MAPK8: variants seen among roughly 807,000 people sequenced by gnomAD.
MAPK8 encodes the protein mitogen-activated protein kinase 8, also known as JUN N-terminal kinase.
In MAPK8, 13 loss-of-function variants were observed where a neutral mutation model predicts 52.9. The observed-to-expected ratio is 0.25, with a 90% confidence interval of 0.16 to 0.39. The LOEUF (loss-of-function observed/expected upper bound fraction) is 0.39, where lower values mean the gene tolerates loss of function less well. MAPK8 is among the 10% of genes least tolerant of loss of function. MAPK8 has a pLI of 1.00. For missense variants in MAPK8, 300 were observed against 519.2 expected (o/e 0.58, Z 4.10); for synonymous variants, 191 against 169.8 (o/e 1.12, Z -0.97).
At chr10:48,422,832 A>G (rs539844441) in intron 6 of MAPK8, among the ~76,000 whole-genome samples, 1 of 152,300 alleles carries the variant, frequency 6.6e-6, no homozygotes, top group East Asian at 1.9e-4. Context: ...TCCAAAAGTA[A>G]TTTCCAGTTT....
chr10:48,413,985 A>G (rs1412548604), intron 5 of MAPK8, among the ~76,000 whole-genome samples: 8 of 151,370 alleles, frequency 5.3e-5, no homozygotes, highest in Non-Finnish European at 1.5e-5. Context: ...TGAAGATTGT[A>G]TGCTCGTTAC....
chr10:48,425,567 C>T (rs929316304), intron 7 of MAPK8: 7 of 320,694 alleles, frequency 2.2e-5, no homozygotes, highest in Non-Finnish European at 3.9e-5. Flanking sequence ...GTGCAGTTTG[C>T]AGTTAGAGCC....
intron 1 of MAPK8, among the ~76,000 whole-genome samples, chr10:48,350,100 A>G (rs1346332573): frequency 6.6e-6 from 1 of 152,226 alleles, no homozygotes; most frequent in East Asian, 1.9e-4. Context: ...ACCAATAACA[A>G]GTTCTGAAAT....
intron 1 of MAPK8, among the ~76,000 whole-genome samples, chr10:48,390,973 A>G (rs1305410191): frequency 6.6e-6 from 1 of 152,222 alleles, no homozygotes; most frequent in Non-Finnish European, 1.5e-5. Flanking sequence ...AGTAGTTTAG[A>G]TGAGAATTTA....
chr10:48,432,899 A>C (rs143204347), intron 11 of MAPK8, among the ~76,000 whole-genome samples: 1 of 152,350 alleles, frequency 6.6e-6, no homozygotes, highest in African/African-American at 2.4e-5. Flanking sequence ...TGTTATAAAA[A>C]TATTCTGCTC....
At position 48,339,778 on chromosome 10, in the gene MAPK8, G is replaced by A. The variant is rs116841132; in HGVS notation, c.-50+32957G>A. ...CAGACCTTCTCAAAAGAAGACATAC[G>A]AGTGGCGAAAAAAGGTGAAATAATG... On this transcript the variant is annotated intron_variant, in intron 1 of 11. Transcript: ENST00000374189. Among the ~76,000 whole-genome samples the A allele has an allele frequency of 2.9e-4, 44 of 152,182 alleles. 1 individual carries two copies. The highest frequency in any genetic ancestry group is 3.4e-3 in the Middle Eastern group (1 of 294).
intron 1 of MAPK8, among the ~76,000 whole-genome samples, chr10:48,338,199 A>G (rs190236319): frequency 1.4e-3 from 219 of 152,298 alleles, no homozygotes; most frequent in African/African-American, 5.1e-3. Flanking sequence ...AGAGGCAAAA[A>G]TCCTCAACAA....
chr10:48,421,963 G>A (rs544003257), intron 6 of MAPK8, among the ~76,000 whole-genome samples: 20 of 151,500 alleles, frequency 1.3e-4, no homozygotes, highest in East Asian at 7.7e-4. Context: ...TTAAACATAA[G>A]TACTTCCTCC....
At chr10:48,408,799 G>A (rs937604174) in intron 3 of MAPK8, among the ~76,000 whole-genome samples, 3 of 152,164 alleles carry the variant, frequency 2.0e-5, no homozygotes, top group African/African-American at 7.2e-5. Flanking sequence ...AATTCTGTAG[G>A]CTGGGAAGTT....
chr10:48,341,377 A>G (rs1265852770), intron 1 of MAPK8, among the ~76,000 whole-genome samples: 1 of 152,232 alleles, frequency 6.6e-6, no homozygotes, highest in Non-Finnish European at 1.5e-5. Context: ...GAAATCTGAA[A>G]TGCTCCAAAA....
chr10:48,338,806 G>A (rs1844948041), intron 1 of MAPK8, among the ~76,000 whole-genome samples: 1 of 151,606 alleles, frequency 6.6e-6, no homozygotes, highest in African/African-American at 2.4e-5. Flanking sequence ...GCCAAATTAA[G>A]AACTAATTTA....
rs531870805 is a variant in MAPK8, at chr10:48,365,933, A to G, written c.-49-35679A>G. 2.0e-5 allele frequency among the ~76,000 whole-genome samples: 3 copies of G among 152,308 alleles called. No individual in the cohort carries two copies. The East Asian group carries it at 5.8e-4, about 29-fold the overall frequency. On this transcript the variant is annotated intron_variant, in intron 1 of 11. Coordinates refer to ENST00000374189, the MANE Select transcript of MAPK8 (RefSeq NM_001323329.2). ...GTCATTTCCTGATTCAGTAATGAGA[A>G]GTCAGAATATATAGTAATTTACTGG...
In MAPK8 at chr10:48,346,923, A is replaced by G. The variant is rs529571149; in HGVS notation, c.-50+40102A>G. 2.0e-5 allele frequency among the ~76,000 whole-genome samples: 3 copies of G among 152,188 alleles called. No individual in the cohort carries two copies. In the South Asian group the frequency reaches 6.2e-4, roughly 32 times the overall value. ...TGTGACCCACGTGACCTTACCTATC[A>G]TTGGAGGTGACTCACATTCTTTACC... is the stretch of plus-strand genomic sequence containing the variant. On this transcript the variant is annotated intron_variant, in intron 1 of 11. Transcript: ENST00000374189.
At chr10:48,315,701 T>TTATTAA (rs1842432937) in intron 1 of MAPK8, among the ~76,000 whole-genome samples, 1 of 150,494 alleles carries the variant, frequency 6.6e-6, no homozygotes, top group Non-Finnish European at 1.5e-5. Flanking sequence ...AGTTAATATT[T>TTATTAA]CATATATTAA....
At chr10:48,406,474 G>A (rs1836813452) in intron 3 of MAPK8, among the ~76,000 whole-genome samples, 2 of 152,176 alleles carry the variant, frequency 1.3e-5, no homozygotes, top group African/African-American at 2.4e-5. Context: ...GTATGACTAA[G>A]CATGTCTCAC....
At chr10:48,407,897 T>A (rs1391639387) in intron 3 of MAPK8, among the ~76,000 whole-genome samples, 1 of 152,164 alleles carries the variant, frequency 6.6e-6, no homozygotes, top group African/African-American at 2.4e-5. Flanking sequence ...GAGAATAGAT[T>A]TAGTATTTGT....
In MAPK8 at chr10:48,355,915, G is replaced by A. The variant is rs137992180; in HGVS notation, c.-49-45697G>A. Among the ~76,000 whole-genome samples, 99 of 152,288 alleles carry A rather than the reference G, an allele frequency of 6.5e-4. 1 individual carries two copies. The East Asian group carries it at 0.017, about 27-fold the overall frequency. ...ACCGTGAATAAGGTCACACCCAGAA[G>A]ACAGGGGAACATTTTCTTAAATTAA... On this transcript the variant is annotated intron_variant, in intron 1 of 11. Coordinates refer to ENST00000374189, the MANE Select transcript of MAPK8 (RefSeq NM_001323329.2).
chr10:48,333,005 A>G (rs1844302638), intron 1 of MAPK8, among the ~76,000 whole-genome samples: 1 of 152,112 alleles, frequency 6.6e-6, no homozygotes, highest in Admixed American at 6.6e-5. Flanking sequence ...CATCAATGAC[A>G]CCATCACTGT....
chr10:48,419,316 C>T lies in MAPK8; in HGVS notation c.451-839C>T, dbSNP rs552288606. 2.0e-5 allele frequency among the ~76,000 whole-genome samples: 3 copies of T among 152,244 alleles called. No homozygotes were observed. The East Asian group carries it at 5.8e-4, about 29-fold the overall frequency. On this transcript the variant is annotated intron_variant, in intron 5 of 11. Coordinates refer to ENST00000374189, the MANE Select transcript of MAPK8 (RefSeq NM_001323329.2). ...GCATGTCAGTACAGGTAATACAGTG[C>T]ATTTGTGTTGTGGATTTATGCTTTC...
Sources: gnomAD v4.1 joint callset for allele counts (sites outside exome capture counted in the v4.1 genomes callset) on GRCh38, gnomAD v4.1.1 for gene constraint, MANE v1.5 for transcripts, NCBI Gene and HGNC (gene_info 2026-07-23, HGNC 2026-07-21) for gene names.